The following TFEC variants were observed in gnomAD, a reference collection of about 807,000 sequenced individuals.
TFEC encodes the protein transcription factor EC, also known as class E basic helix-loop-helix protein 34.
TFEC carries 31 observed loss-of-function variants against 41.6 expected under a neutral mutation model. That is an observed-to-expected ratio of 0.74 (90% CI 0.56 to 1.01). TFEC has a LOEUF of 1.01. Among genes scored for constraint, TFEC ranks in the 50% least tolerant of loss-of-function variants. The probability of loss-of-function intolerance (pLI) is 0.00; values close to 1 mark genes in which losing one functional copy is unlikely to be tolerated. For synonymous variants in TFEC, 143 were observed against 140.6 expected (o/e 1.02, Z -0.12); for missense variants, 402 against 404.1 (o/e 0.99, Z 0.04).
intron 6 of TFEC, among the ~76,000 whole-genome samples, chr7:115,948,014 A>G (rs964110415): frequency 1.1e-4 from 16 of 152,198 alleles, no homozygotes; most frequent in Admixed American, 9.8e-4. Context: ...GATAAAGGGG[A>G]TAACACCACT....
At chr7:116,001,589 A>G (rs1194211587) in intron 1 of TFEC, among the ~76,000 whole-genome samples, 1 of 152,100 alleles carries the variant, frequency 6.6e-6, no homozygotes, top group Non-Finnish European at 1.5e-5. Context: ...TGGACTGGGC[A>G]GTTATTTTTT....
chr7:115,958,275 A>C (rs144082944), intron 3 of TFEC, among the ~76,000 whole-genome samples: 1 of 151,868 alleles, frequency 6.6e-6, no homozygotes, highest in Non-Finnish European at 1.5e-5. Context: ...TATTCTTTGG[A>C]AGAAATCCAA....
intron 3 of TFEC, among the ~76,000 whole-genome samples, chr7:116,100,944 GT>G (rs925541331): frequency 1.7e-4 from 25 of 150,834 alleles, no homozygotes; most frequent in Admixed American, 4.0e-4. Context: ...GGAAGCAAAT[GT>G]TTTTTTTTCC....
chr7:116,090,142 G>A (rs1388926413), intron 3 of TFEC, among the ~76,000 whole-genome samples: 3 of 152,192 alleles, frequency 2.0e-5, no homozygotes, highest in African/African-American at 7.2e-5. Context: ...CCCAGCAGAT[G>A]AGAAATTGAA....
intron 1 of TFEC, among the ~76,000 whole-genome samples, chr7:116,125,257 T>G (rs367753293): frequency 6.6e-6 from 1 of 152,126 alleles, no homozygotes; most frequent in Non-Finnish European, 1.5e-5. Context: ...AGAGAAAGCA[T>G]TGGAGGCAGA....
At chr7:115,979,586 CT>C (rs1793534333) in intron 2 of TFEC, among the ~76,000 whole-genome samples, 1 of 152,078 alleles carries the variant, frequency 6.6e-6, no homozygotes, top group Admixed American at 6.6e-5. Flanking sequence ...GTTCTAAGTT[CT>C]TTTTTGAGAA....
intron 6 of TFEC, among the ~76,000 whole-genome samples, chr7:115,946,638 T>C (rs1250809027): frequency 6.8e-6 from 1 of 146,426 alleles, no homozygotes; most frequent in African/African-American, 2.7e-5. Flanking sequence ...CTCTCTCTCT[T>C]TATTTTCTTT....
chr7:115,951,728 A>G (rs1248512783), intron 5 of TFEC, among the ~76,000 whole-genome samples: 1 of 152,022 alleles, frequency 6.6e-6, no homozygotes, highest in East Asian at 1.9e-4. Flanking sequence ...TTGTGGGGCC[A>G]ATGCTTTGAA....
Position 115,935,384 on chromosome 7 carries a change from A to C in TFEC, c.*5167T>G, listed in dbSNP as rs1031018490. On this transcript the variant is annotated 3_prime_UTR_variant, in exon 8 of 8. Coordinates refer to ENST00000265440, the MANE Select transcript of TFEC (RefSeq NM_012252.4). ...CCAATGTCAGATTAAAATTATAGGA[A>C]TGTTACTTCAGCTATTTGTATATGT... 18 of 152,228 alleles carry C rather than the reference A, an allele frequency of 1.2e-4. No homozygotes were observed. The highest frequency in any genetic ancestry group is 4.3e-4 in the African/African-American group (18 of 41,560). The allele number at this position is 152,228 out of a possible 1,614,324, so 9.4% of individuals were successfully genotyped here. A position where few individuals can be genotyped will look rare whatever the true frequency, so the allele number is the denominator to read the frequency against.
At chr7:116,052,697 G>A (rs1047107309) in intron 3 of TFEC, among the ~76,000 whole-genome samples, 1 of 151,644 alleles carries the variant, frequency 6.6e-6, no homozygotes, top group East Asian at 2.0e-4. Context: ...AAAGTGCTGG[G>A]ATTACAGGCA....
chr7:116,052,013 T>C (rs1796324170), intron 3 of TFEC, among the ~76,000 whole-genome samples: 2 of 151,624 alleles, frequency 1.3e-5, no homozygotes, highest in Admixed American at 6.6e-5. Flanking sequence ...ATATGGGTAA[T>C]CTGCTAGAGA....
intron 1 of TFEC, among the ~76,000 whole-genome samples, chr7:116,028,857 A>C (rs185440289): frequency 2.0e-4 from 30 of 152,288 alleles, no homozygotes; most frequent in African/African-American, 7.2e-4. Flanking sequence ...TGTTTCTTTC[A>C]GTTTCTTCTT....
At chr7:116,123,482 A>G (rs964851460) in intron 1 of TFEC, among the ~76,000 whole-genome samples, 5 of 152,078 alleles carry the variant, frequency 3.3e-5, no homozygotes, top group African/African-American at 1.2e-4. Context: ...CTTGCCTGAA[A>G]TAGTGGGTTT....
chr7:116,006,663 G>T lies in TFEC; in HGVS notation c.-72-22150C>A, dbSNP rs373579529. ...GGACATTTGAGTTAATGCTGAAATG[G>T]GTTAAGACTTTGGGGGACTGTTGGA... is the stretch of plus-strand genomic sequence containing the variant. On this transcript the variant is annotated intron_variant, in intron 1 of 7. Transcript: ENST00000265440. 2.0e-4 allele frequency among the ~76,000 whole-genome samples: 31 copies of T among 152,266 alleles called. No homozygotes were observed. In the South Asian group the frequency reaches 4.6e-3, roughly 22 times the overall value.
intron 3 of TFEC, among the ~76,000 whole-genome samples, chr7:116,072,044 C>G (rs146978014): frequency 4.3e-4 from 65 of 151,618 alleles, no homozygotes; most frequent in Non-Finnish European, 5.5e-4. Flanking sequence ...ATTGAAAACA[C>G]ATAAAATTAC....
chr7:116,037,650 T>C (rs1202450357), intron 3 of TFEC, among the ~76,000 whole-genome samples: 1 of 152,014 alleles, frequency 6.6e-6, no homozygotes, highest in Non-Finnish European at 1.5e-5. Flanking sequence ...AGACAAACAT[T>C]AAATGTCAAA....
intron 1 of TFEC, among the ~76,000 whole-genome samples, chr7:116,150,656 C>T (rs997878811): frequency 1.3e-5 from 2 of 151,994 alleles, no homozygotes; most frequent in African/African-American, 4.8e-5. Context: ...AAATAAAATG[C>T]TTGCATTTTT....
At chr7:116,002,512 T>C (rs1385664752) in intron 1 of TFEC, among the ~76,000 whole-genome samples, 3 of 152,142 alleles carry the variant, frequency 2.0e-5, no homozygotes, top group South Asian at 2.1e-4. Context: ...AATAGAACAA[T>C]GGTTGCCTGA....
intron 3 of TFEC, among the ~76,000 whole-genome samples, chr7:116,062,488 T>C (rs1020514749): frequency 2.1e-5 from 3 of 143,334 alleles, no homozygotes; most frequent in African/African-American, 7.6e-5. Flanking sequence ...TCACTAAGAA[T>C]AATAGTCTCT....
Sources: gnomAD v4.1 joint callset for allele counts (sites outside exome capture counted in the v4.1 genomes callset) on GRCh38, gnomAD v4.1.1 for gene constraint, MANE v1.5 for transcripts, NCBI Gene and HGNC (gene_info 2026-07-23, HGNC 2026-07-21) for gene names.